Variants in KLHL20 observed in about 807,000 individuals in gnomAD.
KLHL20 encodes the protein kelch like family member 20, also known as kelch-like protein 20.
A neutral mutation model predicts 69.5 loss-of-function variants in KLHL20; 29 were observed. The observed-to-expected ratio is 0.42, with a 90% CI of 0.31 to 0.57. KLHL20 has a LOEUF of 0.57. Among genes scored for constraint, KLHL20 ranks in the 20% least tolerant of loss-of-function variants. The pLI is 0.18. For missense variants in KLHL20, 419 were observed against 776.0 expected (o/e 0.54, Z 5.47); for synonymous variants, 253 against 265.2 (o/e 0.95, Z 0.45).
At chr1:173,777,902 G>A (rs1328798518) in intron 10 of KLHL20, among the ~76,000 whole-genome samples, 1 of 152,122 alleles carries the variant, frequency 6.6e-6, no homozygotes, top group Admixed American at 6.5e-5. Flanking sequence ...TCTGGTTTTG[G>A]TATCAGGGTA....
chr1:173,766,309 A>G lies in KLHL20; in HGVS notation c.1295+20A>G. 1 of 1,560,816 alleles carries G rather than the reference A, an allele frequency of 6.4e-7. No homozygotes were observed. Among genetic ancestry groups the G allele is most frequent in the Non-Finnish European group, 8.6e-7 (1 of 1,159,616 alleles). ...TGAGAGGTGATCTTTTTTTTAAGTC[A>G]TTTTCCGTATTTTTATTTTAAAGAA... is the stretch of plus-strand genomic sequence containing the variant. On this transcript the variant is annotated intron_variant, in intron 8 of 11. Transcript: ENST00000209884.
In KLHL20 at chr1:173,740,778, C is replaced by T. The variant is rs570538290; in HGVS notation, c.597+6492C>T. On this transcript the variant is annotated intron_variant, in intron 3 of 11. Transcript: ENST00000209884. ...TCAGGCCTTGCCCCTCCCTGTCTGC[C>T]GTGGCTTTGGCTTCCGTGTCGTATC... 3.3e-5 allele frequency among the ~76,000 whole-genome samples: 5 copies of T among 151,952 alleles called. No individual in the cohort carries two copies. In the East Asian group the frequency reaches 5.8e-4, roughly 18 times the overall value.
At chr1:173,762,827 G>A (rs1647395920) in intron 7 of KLHL20, among the ~76,000 whole-genome samples, 1 of 152,118 alleles carries the variant, frequency 6.6e-6, no homozygotes, top group Non-Finnish European at 1.5e-5. Flanking sequence ...AGACAAGGAT[G>A]CCCACTCTCA....
At chr1:173,778,374 G>A (rs1423711528) in intron 10 of KLHL20, among the ~76,000 whole-genome samples, 1 of 152,118 alleles carries the variant, frequency 6.6e-6, no homozygotes, top group East Asian at 1.9e-4. Flanking sequence ...TGTCACCAAG[G>A]TTGGAGTGCA....
chr1:173,769,801 A>T (rs1647972668), intron 8 of KLHL20, among the ~76,000 whole-genome samples: 1 of 148,762 alleles, frequency 6.7e-6, no homozygotes, highest in Non-Finnish European at 1.5e-5. Flanking sequence ...AAAAAAAAAA[A>T]TTTAAGGATA....
At chr1:173,781,042 AGGGAGGGAGGTGG>A (rs1648838991) in intron 10 of KLHL20, among the ~76,000 whole-genome samples, 1 of 41,748 alleles carries the variant, frequency 2.4e-5, no homozygotes, top group South Asian at 8.7e-4. Context: ...AGGAGGGAGG[AGGGAGGGAGGTGG>A]GGGAGGGGAG....
intron 3 of KLHL20, among the ~76,000 whole-genome samples, chr1:173,751,268 A>G (rs1024674902): frequency 3.3e-5 from 5 of 152,188 alleles, no homozygotes; most frequent in African/African-American, 1.2e-4. Context: ...TAGCATATAT[A>G]TTAGAGAGTT....
At chr1:173,750,296 ATATT>A (rs1301566485) in intron 3 of KLHL20, among the ~76,000 whole-genome samples, 3 of 151,898 alleles carry the variant, frequency 2.0e-5, no homozygotes, top group East Asian at 3.9e-4. Context: ...GCACTCGAGA[ATATT>A]TATTTATTTA....
intron 3 of KLHL20, among the ~76,000 whole-genome samples, chr1:173,738,006 A>G (rs1672617540): frequency 6.8e-6 from 1 of 148,048 alleles, no homozygotes; most frequent in Non-Finnish European, 1.5e-5. Context: ...TTTGATTCTC[A>G]GCTTGGTTGC....
intron 3 of KLHL20, among the ~76,000 whole-genome samples, chr1:173,750,945 A>G (rs182436672): frequency 1.3e-5 from 2 of 152,306 alleles, no homozygotes; most frequent in East Asian, 1.9e-4. Flanking sequence ...TTTGATGAGC[A>G]TGATTATAAC....
intron 9 of KLHL20, among the ~76,000 whole-genome samples, chr1:173,774,652 G>T (rs1252787933): frequency 6.6e-6 from 1 of 151,992 alleles, no homozygotes; most frequent in Non-Finnish European, 1.5e-5. Flanking sequence ...TTCTTCCCCT[G>T]CTTTCCAAGC....
intron 3 of KLHL20, 125 bp downstream of exon 3, chr1:173,734,411 T>A (rs1304349031): frequency 2.4e-6 from 2 of 836,874 alleles, no homozygotes; most frequent in South Asian, 3.0e-5. Flanking sequence ...AATAAATAAG[T>A]TATTATAAAT....
intron 3 of KLHL20, among the ~76,000 whole-genome samples, chr1:173,735,729 G>T (rs778556897): frequency 3.9e-5 from 6 of 151,970 alleles, no homozygotes; most frequent in Non-Finnish European, 4.4e-5. Flanking sequence ...TACCCAATGT[G>T]TAGTCTTTTA....
chr1:173,775,969 A>T (rs1648438240), intron 10 of KLHL20, 127 bp downstream of exon 10: 1 of 728,572 alleles, frequency 1.4e-6, no homozygotes, highest in East Asian at 2.7e-5. Flanking sequence ...ACCTAGCAGT[A>T]AGATTGCTGG....
At chr1:173,724,606 T>C (rs185862906) in intron 2 of KLHL20, among the ~76,000 whole-genome samples, 10 of 152,340 alleles carry the variant, frequency 6.6e-5, no homozygotes, top group Admixed American at 3.3e-4. Flanking sequence ...ACCTAGTAAT[T>C]TAGCACCTGA....
At chr1:173,776,509 C>T (rs2102534758) in intron 10 of KLHL20, among the ~76,000 whole-genome samples, 1 of 152,240 alleles carries the variant, frequency 6.6e-6, no homozygotes, top group Non-Finnish European at 1.5e-5. Flanking sequence ...GACCAATGTC[C>T]TGGAGAGTTT....
At chr1:173,764,002 C>A (rs772753770) in intron 7 of KLHL20, among the ~76,000 whole-genome samples, 1 of 151,930 alleles carries the variant, frequency 6.6e-6, no homozygotes, top group Non-Finnish European at 1.5e-5. Context: ...CAACTAATAT[C>A]CAGAATCTAC....
intron 2 of KLHL20, among the ~76,000 whole-genome samples, chr1:173,723,802 A>G (rs1328408833): frequency 6.6e-6 from 1 of 152,212 alleles, no homozygotes; most frequent in African/African-American, 2.4e-5. Context: ...GTTTAGAATC[A>G]GAAACAGAAA....
Position 173,734,125 on chromosome 1 carries a change from T to A in KLHL20, c.436T>A (p.Cys146Ser), listed in dbSNP as rs1268144109. Residue 146 changes from cysteine to serine, a missense_variant, in exon 3 of 12, where the codon TGC (cysteine) becomes AGC (serine). Cys to Ser is a moderately radical substitution (Grantham distance 112). Coordinates refer to ENST00000209884, the MANE Select transcript of KLHL20 (RefSeq NM_014458.4). Reference protein sequence around the residue: ...GNVQTLLPAACLLQLAEIQEA... With the variant: ...GNVQTLLPAASLLQLAEIQEA... ...TGTTCAGACTCTTCTGCCAGCTGCT[T>A]GCCTCCTCCAGCTGGCAGAAATACA... 1 of 1,614,202 alleles carries A rather than the reference T, an allele frequency of 6.2e-7. No individual in the cohort carries two copies. Among genetic ancestry groups the A allele is most frequent in the Non-Finnish European group, 8.5e-7 (1 of 1,180,028 alleles).
Sources: allele counts gnomAD v4.1 joint callset (sites outside exome capture counted in the v4.1 genomes callset), GRCh38; gene constraint gnomAD v4.1.1; transcripts MANE v1.5; gene names NCBI Gene and HGNC (gene_info 2026-07-23, HGNC 2026-07-21).